The following FOXI2 variants were observed in gnomAD, a reference collection of about 807,000 sequenced individuals.
FOXI2 encodes the protein forkhead box I2.
FOXI2 carries 17 observed loss-of-function variants against 14.3 expected under a neutral mutation model. That is an observed-to-expected ratio of 1.19 (90% CI 0.81 to 1.78). FOXI2 has a LOEUF of 1.78. FOXI2 is among the 40% of genes most tolerant of loss of function. The pLI is 0.00. For synonymous variants in FOXI2, 240 were observed against 218.8 expected, an observed-to-expected ratio of 1.10 and a Z score of -0.85; for missense variants, 541 against 460.0, an observed-to-expected ratio of 1.18 and a Z score of -1.61.
In FOXI2 at chr10:127,740,465, A is replaced by T. The variant is rs973288033; in HGVS notation, c.*1500A>T. The T allele has an allele frequency of 6.6e-6, 1 of 150,742 alleles. No individual in the cohort carries two copies. The highest frequency in any genetic ancestry group is 2.4e-5 in the African/African-American group (1 of 40,990). 9.3% of individuals were successfully genotyped at this position (150,742 alleles called of 1,614,324 possible). A position where few individuals can be genotyped will look rare whatever the true frequency, so the allele number is the denominator to read the frequency against. ...TAGAGGACCTAAGTGCCCCAGTCAGATGCCCTGAGTCTTTGTGGCATCTGG... is the reference window on the plus strand; with the variant it reads ...TAGAGGACCTAAGTGCCCCAGTCAGTTGCCCTGAGTCTTTGTGGCATCTGG... On this transcript the variant is annotated 3_prime_UTR_variant, in exon 2 of 2. Coordinates refer to ENST00000388920, the MANE Select transcript of FOXI2 (RefSeq NM_207426.3).
intron 1 of FOXI2, 105 bp downstream of exon 1, chr10:127,737,889 G>A (rs1488924457): frequency 2.0e-6 from 3 of 1,493,910 alleles, no homozygotes; most frequent in Non-Finnish European, 2.7e-6. Context: ...ATTTCTCCCT[G>A]CGCGGTTGGG....
rs775206275 is a variant in FOXI2 at position 127,738,824 on chromosome 10, C to A, written c.816C>A (p.Phe272Leu). The A allele has an allele frequency of 1.9e-6, 3 of 1,605,912 alleles. No homozygotes were observed. Among genetic ancestry groups the A allele is most frequent in the South Asian group, 2.2e-5 (2 of 90,308 alleles). ...FPGGLAGDFS[F>L]GRRPPTVATH... ...GGGGCCTGGCGGGCGACTTTTCTTT[C>A]GGGAGGCGGCCACCGACAGTCGCCA... The change falls in exon 2 of 2, where the codon TTC (phenylalanine) becomes TTA (leucine). Residue 272 changes from phenylalanine to leucine, a missense_variant. Phe to Leu is a conservative substitution (Grantham distance 22, BLOSUM62 0). Transcript: ENST00000388920.
Position 127,740,654 on chromosome 10 carries a change from A to G in FOXI2, c.*1689A>G, listed in dbSNP as rs1190097118. The G allele has an allele frequency of 6.6e-6, 1 of 152,182 alleles. No homozygotes were observed. 9.4% of individuals were successfully genotyped at this position (152,182 alleles called of 1,614,324 possible). On this transcript the variant is annotated 3_prime_UTR_variant, in exon 2 of 2. Transcript: ENST00000388920. Reference sequence around the variant, plus strand: ...TTGGAGTGGGACAGGCTGGTTTAGCAATCCTAAGCCCCAGCCACGCAGGTA... The same window carrying G: ...TTGGAGTGGGACAGGCTGGTTTAGCGATCCTAAGCCCCAGCCACGCAGGTA...
chr10:127,737,186 CA>C lies in FOXI2; in HGVS notation c.-87del. On this transcript the variant is annotated 5_prime_UTR_variant, in exon 1 of 2. Transcript: ENST00000388920. ...GCGGAGGGCTGGGCCGGGCTGGTCG[CA>C]CCCGGGCGCTGCTGGCGGCCAAGCT... 7.3e-7 allele frequency: 1 copy of C among 1,370,374 alleles called. No homozygotes were observed. The allele number at this position is 1,370,374 out of a possible 1,614,324, so 84.9% of individuals were successfully genotyped here. A position where few individuals can be genotyped will look rare whatever the true frequency, so the allele number is the denominator to read the frequency against.
In FOXI2 at chr10:127,740,217, ACACT is replaced by A. The variant is rs1420766445; in HGVS notation, c.*1256_*1259del. On this transcript the variant is annotated 3_prime_UTR_variant, in exon 2 of 2. Coordinates refer to ENST00000388920, the MANE Select transcript of FOXI2 (RefSeq NM_207426.3). ...CACACCCACACCCACACCCACACCC[ACACT>A]CACACAGGCTCATGGAAGGCCACAC... is the stretch of plus-strand genomic sequence containing the variant. 1.3e-5 allele frequency: 2 copies of A among 152,074 alleles called. No homozygotes were observed. The highest frequency in any genetic ancestry group is 6.6e-5 in the Admixed American group (1 of 15,258). The allele number at this position is 152,074 out of a possible 1,614,324, so 9.4% of individuals were successfully genotyped here.
Position 127,739,892 on chromosome 10 carries a change from C to CT in FOXI2, c.*927_*928insT. ...ACCCACACTCACACCCACACCCACA[C>CT]CCACACTCACACACACTCACACCCA... On this transcript the variant is annotated 3_prime_UTR_variant, in exon 2 of 2. Coordinates refer to ENST00000388920, the MANE Select transcript of FOXI2 (RefSeq NM_207426.3). 1 of 80,640 alleles carries CT rather than the reference C, an allele frequency of 1.2e-5. No homozygotes were observed. The highest frequency in any genetic ancestry group is 2.5e-5 in the Non-Finnish European group (1 of 40,020). The allele number at this position is 80,640 out of a possible 1,614,324, so 5.0% of individuals were successfully genotyped here.
intron 1 of FOXI2, among the ~76,000 whole-genome samples, 179 bp downstream of exon 1, chr10:127,737,963 G>A (rs1846440262): frequency 6.6e-6 from 1 of 152,186 alleles, no homozygotes; most frequent in Non-Finnish European, 1.5e-5. Flanking sequence ...TCAGACAGCG[G>A]CTGAGCCCAC....
In FOXI2 at chr10:127,739,886, CCCACACCCACACTCACACACACT is replaced by C. The variant is rs1846482142; in HGVS notation, c.*923_*945del. ...ACTCACACCCACACTCACACCCACA[CCCACACCCACACTCACACACACT>C]CACACCCACACCCACACTCACACCC... On this transcript the variant is annotated 3_prime_UTR_variant, in exon 2 of 2. Transcript: ENST00000388920. The C allele has an allele frequency of 1.0e-5, 1 of 96,100 alleles. No homozygotes were observed. The highest frequency in any genetic ancestry group is 2.1e-5 in the Non-Finnish European group (1 of 47,498). 6.0% of individuals were successfully genotyped at this position (96,100 alleles called of 1,614,324 possible).
At position 127,739,885 on chromosome 10, in the gene FOXI2, A is replaced by G. The variant is rs1376359833; in HGVS notation, c.*920A>G. The stretch of plus-strand genomic sequence containing the variant: ...CACTCACACCCACACTCACACCCAC[A>G]CCCACACCCACACTCACACACACTC... On this transcript the variant is annotated 3_prime_UTR_variant, in exon 2 of 2. Transcript: ENST00000388920. 13 of 67,970 alleles carry G rather than the reference A, an allele frequency of 1.9e-4. No individual in the cohort carries two copies. The highest frequency in any genetic ancestry group is 2.0e-4 in the Non-Finnish European group (7 of 35,516). 4.2% of individuals were successfully genotyped at this position (67,970 alleles called of 1,614,324 possible). A position where few individuals can be genotyped will look rare whatever the true frequency, so the allele number is the denominator to read the frequency against.
Position 127,738,814 on chromosome 10 carries a change from A to T in FOXI2, c.806A>T (p.Asp269Val), listed in dbSNP as rs1478335572. The T allele has an allele frequency of 6.2e-7, 1 of 1,606,186 alleles. No homozygotes were observed. Among genetic ancestry groups the T allele is most frequent in the Non-Finnish European group, 8.5e-7 (1 of 1,177,266 alleles). Reference protein sequence around the residue: ...LGTFPGGLAGDFSFGRRPPTV... With the variant: ...LGTFPGGLAGVFSFGRRPPTV... ...ACCTTCCCCGGGGGCCTGGCGGGCG[A>T]CTTTTCTTTCGGGAGGCGGCCACCG... The change falls in exon 2 of 2, where the codon GAC becomes GTC. Residue 269 changes from aspartate to valine, a missense_variant. Coordinates refer to ENST00000388920, the MANE Select transcript of FOXI2 (RefSeq NM_207426.3).
rs11428259 is a variant in FOXI2 at position 127,740,895 on chromosome 10, G to GC, written c.*1933dup. On this transcript the variant is annotated 3_prime_UTR_variant, in exon 2 of 2. Transcript: ENST00000388920. ...GGAGCCAGGAGTTGGGATAAACCTG[G>GC]CCCTGGTCATATGTTTCATCAGCAG... 150,595 of 152,144 alleles carry GC rather than the reference G, an allele frequency of 0.99. 74,545 individuals are homozygous for GC. The highest frequency in any genetic ancestry group is 1 in the Middle Eastern group (294 of 294). 9.4% of individuals were successfully genotyped at this position (152,144 alleles called of 1,614,324 possible).
intron 1 of FOXI2, among the ~76,000 whole-genome samples, chr10:127,738,291 C>T (rs984333790): frequency 3.3e-5 from 5 of 152,092 alleles, no homozygotes; most frequent in African/African-American, 1.2e-4. Context: ...GGGGCTCGGC[C>T]TTTCCCAGGG....
In FOXI2 at chr10:127,737,381, C is replaced by A. The variant is rs769751894; in HGVS notation, c.108C>A (p.Gly36=). 220 of 1,396,242 alleles carry A rather than the reference C, an allele frequency of 1.6e-4. 1 individual carries two copies. Among genetic ancestry groups the A allele is most frequent in the Non-Finnish European group, 1.9e-4 (205 of 1,089,580 alleles). The allele number at this position is 1,396,242 out of a possible 1,614,324, so 86.5% of individuals were successfully genotyped here. A position where few individuals can be genotyped will look rare whatever the true frequency, so the allele number is the denominator to read the frequency against. Residue 36 remains glycine, a synonymous_variant, in exon 1 of 2, where the codon GGC becomes GGA. Transcript: ENST00000388920. ...GYEPGDLGAV[G]GGPLLWVNAP... is the part of the protein sequence containing the mutation. ...AGCCAGGGGATCTGGGCGCGGTGGGCGGGGGCCCCCTCCTGTGGGTGAACG... is the reference window on the plus strand; with the variant it reads ...AGCCAGGGGATCTGGGCGCGGTGGGAGGGGGCCCCCTCCTGTGGGTGAACG...
Position 127,737,422 on chromosome 10 carries a change from C to G in FOXI2, c.149C>G (p.Pro50Arg). 7.3e-7 allele frequency: 1 copy of G among 1,374,404 alleles called. No homozygotes were observed. Among genetic ancestry groups the G allele is most frequent in the Non-Finnish European group, 9.3e-7 (1 of 1,076,410 alleles). The allele number at this position is 1,374,404 out of a possible 1,614,324, so 85.1% of individuals were successfully genotyped here. The change falls in exon 1 of 2, where the codon CCC becomes CGC. Residue 50 changes from proline to arginine, a missense_variant. By Grantham distance (103) the Pro-to-Arg change is moderately radical. Transcript: ENST00000388920. The part of the protein sequence containing the change: ...LLWVNAPALS[P>R]KSYASGPGPA... ...TGGGTGAACGCGCCAGCGCTCAGCCCCAAGTCCTACGCTTCGGGTCCCGGG... is the reference window on the plus strand; with the variant it reads ...TGGGTGAACGCGCCAGCGCTCAGCCGCAAGTCCTACGCTTCGGGTCCCGGG...
chr10:127,738,442 A>G (rs1416564972), intron 1 of FOXI2, 78 bp from the exon 2 acceptor site: 2 of 1,170,384 alleles, frequency 1.7e-6, no homozygotes, highest in Non-Finnish European at 1.2e-6. Context: ...ATCTTTCTGA[A>G]GCTGACCTCC....
At position 127,740,108 on chromosome 10, in the gene FOXI2, T is replaced by TCACACTCACACC. The variant is rs1453554489; in HGVS notation, c.*1148_*1149insTCACACCCACAC. On this transcript the variant is annotated 3_prime_UTR_variant, in exon 2 of 2. Transcript: ENST00000388920. ...CCCACACTCACACTCACACCCACAC[T>TCACACTCACACC]CACACCACACTCACACCCACACACA... The TCACACTCACACC allele has an allele frequency of 3.5e-4, 12 of 34,688 alleles. No individual in the cohort carries two copies. The highest frequency in any genetic ancestry group is 8.0e-4 in the East Asian group (1 of 1,244). The allele number at this position is 34,688 out of a possible 1,614,324, so 2.1% of individuals were successfully genotyped here.
In FOXI2 at chr10:127,740,173, A is replaced by ACACC. The variant is rs796809826; in HGVS notation, c.*1211_*1212insCCAC. The ACACC allele has an allele frequency of 1.7e-3, 134 of 78,158 alleles. 11 individuals are homozygous for ACACC. The highest frequency in any genetic ancestry group is 0.012 in the Middle Eastern group (1 of 86). The allele number at this position is 78,158 out of a possible 1,614,324, so 4.8% of individuals were successfully genotyped here. On this transcript the variant is annotated 3_prime_UTR_variant, in exon 2 of 2. Transcript: ENST00000388920. Reference sequence around the variant, plus strand: ...CACACCCACACCCACACTCATACTCACACACCCACACCCACACCCACACCC... The same window carrying ACACC: ...CACACCCACACCCACACTCATACTCACACCCACACCCACACCCACACCCACACCC...
In FOXI2 at chr10:127,739,797, T is replaced by TCACACTCACACC. The variant is rs1412074171; in HGVS notation, c.*837_*838insTCACACCCACAC. 5 of 103,030 alleles carry TCACACTCACACC rather than the reference T, an allele frequency of 4.9e-5. No homozygotes were observed. Among genetic ancestry groups the TCACACTCACACC allele is most frequent in the African/African-American group, 1.9e-4 (5 of 25,828 alleles). 6.4% of individuals were successfully genotyped at this position (103,030 alleles called of 1,614,324 possible). ...CCCACACCCACACTCACACCCACAC[T>TCACACTCACACC]CACACCCACACTCACACCCACACCC... On this transcript the variant is annotated 3_prime_UTR_variant, in exon 2 of 2. Coordinates refer to ENST00000388920, the MANE Select transcript of FOXI2 (RefSeq NM_207426.3).
At position 127,739,959 on chromosome 10, in the gene FOXI2, CCACACTCATACT is replaced by C. The variant is rs1470033737; in HGVS notation, c.*1003_*1014del. The stretch of plus-strand genomic sequence containing the variant: ...CACACACACTCACACCCACACACAC[CCACACTCATACT>C]CACACTCACACCCACACTCACACCA... On this transcript the variant is annotated 3_prime_UTR_variant, in exon 2 of 2. Transcript: ENST00000388920. 2.4e-4 allele frequency: 8 copies of C among 33,872 alleles called. No homozygotes were observed. Among genetic ancestry groups the C allele is most frequent in the African/African-American group, 4.7e-4 (7 of 14,744 alleles). The allele number at this position is 33,872 out of a possible 1,614,324, so 2.1% of individuals were successfully genotyped here.
Sources: gnomAD v4.1 joint callset for allele counts (sites outside exome capture counted in the v4.1 genomes callset) on GRCh38, gnomAD v4.1.1 for gene constraint, MANE v1.5 for transcripts, NCBI Gene and HGNC (gene_info 2026-07-23, HGNC 2026-07-21) for gene names.